SLC1A4: variants seen among roughly 807,000 people sequenced by gnomAD.
SLC1A4 encodes the protein neutral amino acid transporter A.
In SLC1A4, 19 loss-of-function variants were observed where a neutral mutation model predicts 37.7. The ratio of observed to expected loss-of-function variants is 0.50; its 90% CI spans 0.35 to 0.74. The LOEUF (loss-of-function observed/expected upper bound fraction) is 0.74. Among genes scored for constraint, SLC1A4 ranks in the 30% least tolerant of loss-of-function variants. The pLI, the probability that SLC1A4 is intolerant of heterozygous loss-of-function variation, is 0.01. For missense variants in SLC1A4, 570 were observed against 712.9 expected (o/e 0.80, Z 2.28); for synonymous variants, 299 against 309.8 (o/e 0.97, Z 0.37).
rs1403949076 is a variant in SLC1A4, at chr2:65,004,001, G to A, written c.619G>A (p.Val207Ile). ...GACCCAGAACAGCAGCTCTGGAAATGTAACCCATGAAAAGGTAAAGCTTTT... is the reference window on the plus strand; with the variant it reads ...GACCCAGAACAGCAGCTCTGGAAATATAACCCATGAAAAGGTAAAGCTTTT... ...VVTQNSSSGN[V>I]THEKIPIGTE... The change falls in exon 3 of 8, where the codon GTA becomes ATA. Residue 207 changes from valine to isoleucine, a missense_variant. Val to Ile is a conservative substitution (Grantham distance 29). Coordinates refer to ENST00000234256, the MANE Select transcript of SLC1A4 (RefSeq NM_003038.5). 6.2e-7 allele frequency: 1 copy of A among 1,612,760 alleles called. No individual in the cohort carries two copies. Among genetic ancestry groups the A allele is most frequent in the African/African-American group, 1.3e-5 (1 of 75,004 alleles).
intron 1 of SLC1A4, among the ~76,000 whole-genome samples, chr2:64,990,581 G>A (rs528252548): frequency 6.6e-6 from 1 of 152,338 alleles, no homozygotes; most frequent in East Asian, 1.9e-4. Flanking sequence ...TGGGAGCATT[G>A]GTTAAGTTTT....
chr2:65,018,518 G>C lies in SLC1A4; in HGVS notation c.1230-27G>C. The C allele has an allele frequency of 6.2e-7, 1 of 1,612,916 alleles. No individual in the cohort carries two copies. The highest frequency in any genetic ancestry group is 8.5e-7 in the Non-Finnish European group (1 of 1,179,498). On this transcript the variant is annotated intron_variant, in intron 6 of 7. Transcript: ENST00000234256. The surrounding 1 kb of genome is among the most constrained non-coding windows in gnomAD (Gnocchi z 4.3). ...TGTCCACTCCACGCTCTATGTTAAT[G>C]GCTGGCCCTGCTCTGCCATCCCTTA...
chr2:65,019,777 C>A (rs528442688), intron 7 of SLC1A4, among the ~76,000 whole-genome samples: 3 of 152,198 alleles, frequency 2.0e-5, no homozygotes, highest in Non-Finnish European at 4.4e-5. Flanking sequence ...TCCTTCCTCA[C>A]CCAGCCACCT....
rs1373430053 is a variant in SLC1A4, at chr2:65,023,571, G to A, written c.*2425G>A. The A allele has an allele frequency of 1.3e-5, 2 of 152,590 alleles. No individual in the cohort carries two copies. The highest frequency in any genetic ancestry group is 1.9e-4 in the East Asian group (1 of 5,204). The allele number at this position is 152,590 out of a possible 1,614,324, so 9.5% of individuals were successfully genotyped here. On this transcript the variant is annotated 3_prime_UTR_variant, in exon 8 of 8. Coordinates refer to ENST00000234256, the MANE Select transcript of SLC1A4 (RefSeq NM_003038.5). ...GCCCTGCAGTAAGAAGCGTGTCTGGGTCTGGAGAAGGGTGCTTCCGAGAGT... is the reference window on the plus strand; with the variant it reads ...GCCCTGCAGTAAGAAGCGTGTCTGGATCTGGAGAAGGGTGCTTCCGAGAGT...
chr2:64,989,969 G>T lies in SLC1A4; in HGVS notation c.326G>T (p.Cys109Phe). 6.3e-7 allele frequency: 1 copy of T among 1,580,926 alleles called. No individual in the cohort carries two copies. Among genetic ancestry groups the T allele is most frequent in the African/African-American group, 1.3e-5 (1 of 74,448 alleles). Residue 109 changes from cysteine (C) to phenylalanine (F), a missense_variant, in exon 1 of 8, where the codon TGC (cysteine) becomes TTC (phenylalanine). Cys to Phe is a radical substitution (Grantham distance 205). Transcript: ENST00000234256. ...GGCGCCGCCTCGCTCGATGCCAGCT[G>T]CCTCGGGCGTCTGGGCGGCATCGCT... ...VSGAASLDASCLGRLGGIAVA... is the reference protein window; with the variant it reads ...VSGAASLDASFLGRLGGIAVA...
chr2:65,016,340 C>T lies in SLC1A4; in HGVS notation c.801-100C>T, dbSNP rs1190062196. On this transcript the variant is annotated intron_variant, in intron 4 of 7. Coordinates refer to ENST00000234256, the MANE Select transcript of SLC1A4 (RefSeq NM_003038.5). ...GGGTTATCCTAGGGAGAGATGAAGA[C>T]GGCCTGGCTGAAAGTCCCTGCATTC... 5.4e-5 allele frequency: 49 copies of T among 906,360 alleles called. No homozygotes were observed. The Admixed American group carries it at 5.8e-4, about 11-fold the overall frequency. 56.1% of individuals were successfully genotyped at this position (906,360 alleles called of 1,614,324 possible).
chr2:65,001,385 G>A (rs570884132), intron 1 of SLC1A4, 63 bp from the exon 2 acceptor site: 21 of 1,476,416 alleles, frequency 1.4e-5, no homozygotes, highest in Non-Finnish European at 1.8e-5. Context: ...CTGGGCAACA[G>A]GGACCTCATC....
chr2:64,989,202 C>T (rs1334059927), upstream of SLC1A4, among the ~76,000 whole-genome samples: 1 of 151,604 alleles, frequency 6.6e-6, no homozygotes, highest in Non-Finnish European at 1.5e-5. Flanking sequence ...GCCTCCCGCC[C>T]GGCCGCCCCC....
Position 65,010,604 on chromosome 2 carries a change from T to C in SLC1A4, c.641T>C (p.Ile214Thr), listed in dbSNP as rs762270454. The C allele has an allele frequency of 5.6e-6, 9 of 1,608,490 alleles. No individual in the cohort carries two copies. Among genetic ancestry groups the C allele is most frequent in the Admixed American group, 5.1e-5 (3 of 58,730 alleles). ...TCCTCTCTGATCCTGCAGATCCCCA[T>C]AGGCACTGAGATAGAAGGGATGAAC... Reference protein sequence around the residue: ...SGNVTHEKIPIGTEIEGMNIL... With the variant: ...SGNVTHEKIPTGTEIEGMNIL... Residue 214 changes from isoleucine to threonine, a missense_variant, in exon 4 of 8, where the codon ATA becomes ACA. Ile to Thr is a moderately conservative substitution (Grantham distance 89, BLOSUM62 -1). Coordinates refer to ENST00000234256, the MANE Select transcript of SLC1A4 (RefSeq NM_003038.5).
Position 65,022,596 on chromosome 2 carries a change from G to T in SLC1A4, c.*1450G>T, listed in dbSNP as rs1252791674. 6.6e-6 allele frequency: 1 copy of T among 152,248 alleles called. No homozygotes were observed. Among genetic ancestry groups the T allele is most frequent in the African/African-American group, 2.4e-5 (1 of 41,452 alleles). 9.4% of individuals were successfully genotyped at this position (152,248 alleles called of 1,614,324 possible). A position where few individuals can be genotyped will look rare whatever the true frequency, so the allele number is the denominator to read the frequency against. On this transcript the variant is annotated 3_prime_UTR_variant, in exon 8 of 8. Coordinates refer to ENST00000234256, the MANE Select transcript of SLC1A4 (RefSeq NM_003038.5). Reference sequence around the variant, plus strand: ...CCACAGAGTCCTTTCTGCTGGTGAGGACAGCATTTCTGAGCAGGGCTTTGT... The same window carrying T: ...CCACAGAGTCCTTTCTGCTGGTGAGTACAGCATTTCTGAGCAGGGCTTTGT...
intron 3 of SLC1A4, among the ~76,000 whole-genome samples, chr2:65,006,071 T>C (rs1339046339): frequency 6.6e-6 from 1 of 152,194 alleles, no homozygotes; most frequent in Non-Finnish European, 1.5e-5. Context: ...CTTCAATAAC[T>C]TTAAGTTTTG....
Position 65,018,100 on chromosome 2 carries a change from G to A in SLC1A4, c.1064G>A (p.Cys355Tyr). 1 of 1,614,078 alleles carries A rather than the reference G, an allele frequency of 6.2e-7. No homozygotes were observed. Among genetic ancestry groups the A allele is most frequent in the Non-Finnish European group, 8.5e-7 (1 of 1,180,008 alleles). ...GCGACCCTTCCCTCTATGATGAAGT[G>A]CATTGAAGAGAACAATGGTGTGGAC... ...SSATLPSMMKCIEENNGVDKR... is the reference protein window; with the variant it reads ...SSATLPSMMKYIEENNGVDKR... The change falls in exon 6 of 8, where the codon TGC becomes TAC. Residue 355 changes from cysteine (C) to tyrosine (Y), a missense_variant. Transcript: ENST00000234256. The surrounding 1 kb of genome is among the most constrained non-coding windows in gnomAD (Gnocchi z 4.3).
chr2:64,992,465 G>A (rs1673094260), intron 1 of SLC1A4, among the ~76,000 whole-genome samples: 1 of 152,154 alleles, frequency 6.6e-6, no homozygotes, highest in African/African-American at 2.4e-5. Flanking sequence ...CTTTGTTGTG[G>A]CTTGCTGGGG....
chr2:64,994,704 A>C (rs1276965529), intron 1 of SLC1A4: 5 of 152,104 alleles, frequency 3.3e-5, no homozygotes, highest in Non-Finnish European at 7.4e-5. Context: ...AGGTGCAAAA[A>C]AAAAAAAACT....
At chr2:64,991,790 A>T (rs990014986) in intron 1 of SLC1A4, among the ~76,000 whole-genome samples, 2 of 151,910 alleles carry the variant, frequency 1.3e-5, no homozygotes, top group African/African-American at 4.8e-5. Context: ...TTTAGTAGAG[A>T]CGGGGTTTCA....
rs1674454697 is a variant in SLC1A4, at chr2:65,022,211, C to T, written c.*1065C>T. On this transcript the variant is annotated 3_prime_UTR_variant, in exon 8 of 8. Coordinates refer to ENST00000234256, the MANE Select transcript of SLC1A4 (RefSeq NM_003038.5). ...TACCCCCATTCACAGGTTCCCAGGT[C>T]CCCTGGCTTTGGCTGATTTCAAAAT... The T allele has an allele frequency of 6.6e-6, 1 of 152,290 alleles. No individual in the cohort carries two copies. Among genetic ancestry groups the T allele is most frequent in the Admixed American group, 6.5e-5 (1 of 15,284 alleles). The allele number at this position is 152,290 out of a possible 1,614,324, so 9.4% of individuals were successfully genotyped here.
intron 1 of SLC1A4, among the ~76,000 whole-genome samples, chr2:64,990,413 C>T (rs1342602396): frequency 1.3e-5 from 2 of 152,202 alleles, no homozygotes; most frequent in African/African-American, 2.4e-5. Flanking sequence ...GAGCAAGAAC[C>T]AGTCCCCACC....
chr2:65,011,607 T>C (rs759059085), intron 4 of SLC1A4: 2 of 152,056 alleles, frequency 1.3e-5, no homozygotes, highest in African/African-American at 2.4e-5. Context: ...TTTCTTTGTG[T>C]GATATCAATG....
At chr2:64,990,272 C>G in intron 1 of SLC1A4, 102 bp downstream of exon 1, 1 of 1,130,552 alleles carries the variant, frequency 8.8e-7, no homozygotes, top group Non-Finnish European at 1.2e-6. Context: ...AGAGTTAATT[C>G]TTAGCTGGCT....
Sources: gnomAD v4.1 joint callset for allele counts (sites outside exome capture counted in the v4.1 genomes callset) on GRCh38, gnomAD v4.1.1 for gene constraint, Gnocchi (gnomAD v3.1) non-coding constraint, MANE v1.5 for transcripts, NCBI Gene and HGNC (gene_info 2026-07-23, HGNC 2026-07-21) for gene names.